CFAP74: variants seen among roughly 807,000 people sequenced by gnomAD.
CFAP74 encodes the protein cilia and flagella associated protein 74, also known as cilia- and flagella-associated protein 74.
Under a neutral mutation model 188.9 loss-of-function variants are expected in CFAP74, and 124 were observed. That is an observed-to-expected ratio of 0.66 (90% CI 0.57 to 0.76). CFAP74 has a LOEUF of 0.76. Ranked by LOEUF, CFAP74 falls within the 30% of genes least tolerant of loss-of-function variation. The pLI is 0.00. For missense variants in CFAP74, 2,198 were observed against 2,165.2 expected (o/e 1.02, Z -0.30); for synonymous variants, 956 against 916.7 (o/e 1.04, Z -0.77).
intron 18 of CFAP74, chr1:1,955,136 C>G (rs557642954): frequency 8.3e-7 from 1 of 1,206,572 alleles, no homozygotes; most frequent in Admixed American, 3.0e-5. Flanking sequence ...GCAGGGCGTG[C>G]GGAACGCGCA....
chr1:1,997,640 G>A (rs751895306), intron 1 of CFAP74, among the ~76,000 whole-genome samples: 8 of 151,994 alleles, frequency 5.3e-5, no homozygotes, highest in Non-Finnish European at 8.8e-5. Context: ...ATTTAGAAAA[G>A]CTACCGTTTA....
intron 9 of CFAP74, among the ~76,000 whole-genome samples, chr1:1,971,220 C>T (rs28626697): frequency 0.21 from 32,025 of 151,066 alleles, 3,513 homozygotes; most frequent in Middle Eastern, 0.34. Context: ...TGCACACATA[C>T]GCGTGCACGC....
intron 18 of CFAP74, among the ~76,000 whole-genome samples, chr1:1,948,663 ACTGCAGCCT>A (rs1480829758): frequency 2.2e-5 from 3 of 137,606 alleles, no homozygotes; most frequent in Non-Finnish European, 3.0e-5. Context: ...ATCACAGCTC[ACTGCAGCCT>A]CAACTTCCCA....
At chr1:1,930,370 G>T in intron 25 of CFAP74, 34 bp from the exon 26 acceptor site, 1 of 1,490,222 alleles carries the variant, frequency 6.7e-7, no homozygotes, top group African/African-American at 1.4e-5. Flanking sequence ...CCTCAGCCGT[G>T]CAGGGCGTCC....
In CFAP74 at chr1:1,989,940, C is replaced by T. The variant is rs79056303; in HGVS notation, c.67+950G>A. On this transcript the variant is annotated intron_variant, in intron 2 of 38. Transcript: ENST00000682832. ...AACTGTCTTCATGATCACACTCGCA[C>T]GCCATTTGTCTCCTCACTCTCTTCC... is the stretch of plus-strand genomic sequence containing the variant. Among the ~76,000 whole-genome samples, 28 of 152,292 alleles carry T rather than the reference C, an allele frequency of 1.8e-4. 1 individual carries two copies. In the East Asian group the frequency reaches 3.5e-3, roughly 19 times the overall value.
chr1:1,951,018 G>C (rs1421273454), intron 18 of CFAP74, among the ~76,000 whole-genome samples: 1 of 152,122 alleles, frequency 6.6e-6, no homozygotes, highest in Admixed American at 6.6e-5. Context: ...TTAAACTGGA[G>C]GGGGGTGTAT....
At chr1:1,988,220 C>G in intron 4 of CFAP74, 3 of 610,124 alleles carry the variant, frequency 4.9e-6, no homozygotes, top group South Asian at 4.6e-5. Flanking sequence ...AATACAAACA[C>G]ACACAAACAC....
At chr1:1,955,535 A>G (rs531205949) in intron 18 of CFAP74, 156 bp downstream of exon 18, 53 of 1,610,586 alleles carry the variant, frequency 3.3e-5, no homozygotes, top group East Asian at 3.1e-4. Context: ...TTAGTGGCAC[A>G]TAAGAATATT....
intron 6 of CFAP74, among the ~76,000 whole-genome samples, chr1:1,974,410 A>G (rs529406258): frequency 6.6e-6 from 1 of 152,282 alleles, no homozygotes; most frequent in South Asian, 2.1e-4. Context: ...CTATGGGTTC[A>G]ATCCAGCCCG....
intron 34 of CFAP74, among the ~76,000 whole-genome samples, chr1:1,924,161 C>CCCGCGCCCGCCAGCTCACCGA (rs1651634746): frequency 1.8e-5 from 1 of 55,592 alleles, no homozygotes. Context: ...CAGCTCACCG[C>CCCGCGCCCGCCAGCTCACCGA]CCACCCCCCA....
chr1:1,967,886 T>A (rs1168674465), intron 11 of CFAP74, among the ~76,000 whole-genome samples: 1 of 151,834 alleles, frequency 6.6e-6, no homozygotes, highest in Non-Finnish European at 1.5e-5. Flanking sequence ...TGGATGTGAG[T>A]GAGTGAGTGA....
intron 32 of CFAP74, 81 bp downstream of exon 32, chr1:1,926,147 T>C (rs1651871739): frequency 2.1e-6 from 3 of 1,453,226 alleles, no homozygotes; most frequent in Non-Finnish European, 9.1e-7. Context: ...GCACAGGTGA[T>C]GCCCGCCCCG....
At chr1:2,002,870 G>T (rs1049923978) in intron 1 of CFAP74, among the ~76,000 whole-genome samples, 13 of 149,984 alleles carry the variant, frequency 8.7e-5, no homozygotes, top group Non-Finnish European at 1.8e-4. Flanking sequence ...TAACTATATT[G>T]TTTAGGGACA....
intron 6 of CFAP74, among the ~76,000 whole-genome samples, chr1:1,978,294 G>A (rs28491083): frequency 6.6e-6 from 1 of 152,020 alleles, no homozygotes; most frequent in African/African-American, 2.4e-5. Context: ...CCTTTGAGGG[G>A]CTCCCTGTTG....
rs1653621632 is a variant in CFAP74, at chr1:1,944,581, G to C, written c.2365-129C>G. On this transcript the variant is annotated intron_variant, in intron 20 of 38. Transcript: ENST00000682832. ...AGTTTTCTAACTCTTTGGGACGGCTGTGGCACTTTTCATATCATATCATTC... is the reference window on the plus strand; with the variant it reads ...AGTTTTCTAACTCTTTGGGACGGCTCTGGCACTTTTCATATCATATCATTC... 9 of 921,178 alleles carry C rather than the reference G, an allele frequency of 9.8e-6. No individual in the cohort carries two copies. In the South Asian group the frequency reaches 1.5e-4, roughly 15 times the overall value. The allele number at this position is 921,178 out of a possible 1,614,324, so 57.1% of individuals were successfully genotyped here.
In CFAP74 at chr1:1,930,105, C is replaced by A. The variant is rs1338618062; in HGVS notation, c.3243G>T (p.Ser1081=). ...TSFEFLLPPD[S]PITISPSVGT... is the part of the protein sequence containing the mutation. ...CCACTGAGGGCGAGATGGTGATAGG[C>A]GAGTCTGGGGGCAGCAGGAACTCGA... The change falls in exon 26 of 39, where the codon TCG becomes TCT. Residue 1081 remains serine, a synonymous_variant. Coordinates refer to ENST00000682832, the MANE Select transcript of CFAP74 (RefSeq NM_001304360.2). 5.2e-6 allele frequency: 8 copies of A among 1,534,112 alleles called. No individual in the cohort carries two copies. The highest frequency in any genetic ancestry group is 7.0e-6 in the Non-Finnish European group (8 of 1,145,616).
chr1:1,930,189 C>G lies in CFAP74; in HGVS notation c.3159G>C (p.Pro1053=). The G allele has an allele frequency of 6.5e-7, 1 of 1,535,686 alleles. No individual in the cohort carries two copies. Among genetic ancestry groups the G allele is most frequent in the Non-Finnish European group, 8.7e-7 (1 of 1,146,730 alleles). The change falls in exon 26 of 39, where the codon CCG becomes CCC. Residue 1053 remains proline (P), a synonymous_variant. Transcript: ENST00000682832. The part of the protein sequence containing the change: ...VINSHLSMSS[P]THSKPRIGSE... ...AGCCAATGCGGGGCTTGGAGTGGGTCGGTGAGCTCATGCTCAGGTGAGAGT... is the reference window on the plus strand; with the variant it reads ...AGCCAATGCGGGGCTTGGAGTGGGTGGGTGAGCTCATGCTCAGGTGAGAGT...
rs1651558946 is a variant in CFAP74 at position 1,923,471 on chromosome 1, C to T, written c.4418G>A (p.Gly1473Asp). 2 of 1,611,846 alleles carry T rather than the reference C, an allele frequency of 1.2e-6. No homozygotes were observed. The highest frequency in any genetic ancestry group is 1.3e-5 in the African/African-American group (1 of 75,026). Reference sequence around the variant, plus strand: ...GAACATCATGTGCTGACAGGCGGCACCCTTCAGCAGGATCTGGTGGGAGAT... The same window carrying T: ...GAACATCATGTGCTGACAGGCGGCATCCTTCAGCAGGATCTGGTGGGAGAT... ...KKISHQILLK[G>D]AACQHMMFVE... Residue 1473 changes from glycine (G) to aspartate (D), a missense_variant, in exon 36 of 39, where the codon GGT becomes GAT. By Grantham distance (94) the Gly-to-Asp change is moderately conservative. Coordinates refer to ENST00000682832, the MANE Select transcript of CFAP74 (RefSeq NM_001304360.2). This position sits in a 1 kb window ranked among gnomAD's most constrained non-coding sequence, Gnocchi z 6.3.
chr1:1,930,057 C>A lies in CFAP74; in HGVS notation c.3288+3G>T. 1 of 1,511,056 alleles carries A rather than the reference C, an allele frequency of 6.6e-7. No individual in the cohort carries two copies. Among genetic ancestry groups the A allele is most frequent in the Non-Finnish European group, 8.9e-7 (1 of 1,129,692 alleles). 93.6% of individuals were successfully genotyped at this position (1,511,056 alleles called of 1,614,324 possible). A position where few individuals can be genotyped will look rare whatever the true frequency, so the allele number is the denominator to read the frequency against. ...CCAGCCTGCATGTGGGGCCCACACCCACCTTTCCTGGCCACACGGTCCCCA... is the reference window on the plus strand; with the variant it reads ...CCAGCCTGCATGTGGGGCCCACACCAACCTTTCCTGGCCACACGGTCCCCA... On this transcript the variant is annotated splice_donor_region_variant and intron_variant, in intron 26 of 38. Coordinates refer to ENST00000682832, the MANE Select transcript of CFAP74 (RefSeq NM_001304360.2).
Sources: allele counts gnomAD v4.1 joint callset (sites outside exome capture counted in the v4.1 genomes callset), GRCh38; gene constraint gnomAD v4.1.1; non-coding constraint Gnocchi (gnomAD v3.1); transcripts MANE v1.5; gene names NCBI Gene and HGNC (gene_info 2026-07-23, HGNC 2026-07-21).